JAM3: variants seen among roughly 807,000 people sequenced by gnomAD.
JAM3 encodes junctional adhesion molecule C.
JAM3 carries 31 observed loss-of-function variants against 39.4 expected under a neutral mutation model. That is an observed-to-expected ratio of 0.79 (90% confidence interval 0.59 to 1.06). JAM3 has a LOEUF of 1.06. Among genes scored for constraint, JAM3 ranks in the 50% least tolerant of loss-of-function variants. JAM3 has a pLI of 0.00. For synonymous variants in JAM3, 182 were observed against 148.7 expected (o/e 1.22, Z -1.63); for missense variants, 455 against 391.4 (o/e 1.16, Z -1.37).
chr11:134,080,692 G>C (rs1941651883), intron 1 of JAM3, among the ~76,000 whole-genome samples: 1 of 152,162 alleles, frequency 6.6e-6, no homozygotes, highest in Non-Finnish European at 1.5e-5. Context: ...CCAGTCTCGG[G>C]TATGTCTTTA....
chr11:134,084,516 T>C (rs1941716356), intron 1 of JAM3, among the ~76,000 whole-genome samples: 1 of 149,160 alleles, frequency 6.7e-6, no homozygotes, highest in Non-Finnish European at 1.5e-5. Context: ...ACAGTCAAAT[T>C]AATTAATTCA....
At chr11:134,135,100 C>T (rs939262894) in intron 1 of JAM3, among the ~76,000 whole-genome samples, 7 of 152,010 alleles carry the variant, frequency 4.6e-5, no homozygotes, top group South Asian at 2.1e-4. Context: ...TTTCTCTATG[C>T]GTTCTTCCAA....
chr11:134,148,564 G>GGAATTATT lies in JAM3; in HGVS notation c.732_739dup (p.Gly247GlufsTer15). 6.2e-7 allele frequency: 1 copy of GGAATTATT among 1,614,132 alleles called. No individual in the cohort carries two copies. Among genetic ancestry groups the GGAATTATT allele is most frequent in the South Asian group, 1.1e-5 (1 of 91,072 alleles). On this transcript the variant is annotated frameshift_variant, in exon 7 of 9. Coordinates refer to ENST00000299106, the MANE Select transcript of JAM3 (RefSeq NM_032801.5). LOFTEE classifies it high-confidence loss of function. ...TTCTTCAGATGACCTGAACATTGGC[G>GGAATTATT]GAATTATTGGGGGGGTTCTGGTTGT... is the stretch of plus-strand genomic sequence containing the variant.
chr11:134,122,754 C>T (rs912672900), intron 1 of JAM3, among the ~76,000 whole-genome samples: 22 of 152,314 alleles, frequency 1.4e-4, no homozygotes, highest in African/African-American at 2.2e-4. Context: ...TATGTGAATT[C>T]GCTGCTATTT....
intron 1 of JAM3, among the ~76,000 whole-genome samples, chr11:134,129,726 G>T (rs939607951): frequency 3.3e-5 from 5 of 152,218 alleles, no homozygotes; most frequent in Non-Finnish European, 7.3e-5. Flanking sequence ...AAGAGGCCAG[G>T]CGTGATGGCT....
rs1942584314 is a variant in JAM3 at position 134,123,781 on chromosome 11, C to G, written c.77-16070C>G. 9.9e-6 allele frequency: 7 copies of G among 708,020 alleles called. 1 individual carries two copies. In the South Asian group the frequency reaches 1.1e-4, roughly 11 times the overall value. 43.9% of individuals were successfully genotyped at this position (708,020 alleles called of 1,614,324 possible). On this transcript the variant is annotated intron_variant, in intron 1 of 8. Transcript: ENST00000299106. ...CACATTTCCAGGTACCAAGGGTTCC[C>G]TCTAAATGCCACAATCAAGTGAGCC...
intron 1 of JAM3, among the ~76,000 whole-genome samples, chr11:134,071,588 A>G (rs1459751378): frequency 6.6e-6 from 1 of 152,240 alleles, no homozygotes; most frequent in African/African-American, 2.4e-5. Context: ...GATATTCTAG[A>G]GAGAAGTGCC....
intron 1 of JAM3, among the ~76,000 whole-genome samples, chr11:134,129,828 C>A (rs771787042): frequency 1.8e-4 from 28 of 152,102 alleles, no homozygotes; most frequent in Non-Finnish European, 3.1e-4. Flanking sequence ...ACGGTGAAAC[C>A]CCATCTCTAC....
At chr11:134,141,682 T>G (rs1204460222) in intron 3 of JAM3, among the ~76,000 whole-genome samples, 2 of 151,652 alleles carry the variant, frequency 1.3e-5, no homozygotes. Flanking sequence ...GGGAGAGGGC[T>G]GGTGGGGGGC....
At chr11:134,126,951 G>A (rs901572153) in intron 1 of JAM3, among the ~76,000 whole-genome samples, 1 of 152,182 alleles carries the variant, frequency 6.6e-6, no homozygotes, top group African/African-American at 2.4e-5. Flanking sequence ...TTGCCTTTGG[G>A]CCATCTTAGT....
intron 1 of JAM3, among the ~76,000 whole-genome samples, chr11:134,125,023 C>G (rs1157910274): frequency 1.3e-5 from 2 of 152,230 alleles, no homozygotes; most frequent in African/African-American, 4.8e-5. Context: ...GACACCCGCC[C>G]GGTGGCGGCG....
At chr11:134,126,008 C>G (rs532770868) in intron 1 of JAM3, among the ~76,000 whole-genome samples, 2 of 152,268 alleles carry the variant, frequency 1.3e-5, no homozygotes, top group Admixed American at 1.3e-4. Flanking sequence ...GTCTCACTTT[C>G]CTCTGTCCTT....
intron 1 of JAM3, among the ~76,000 whole-genome samples, chr11:134,102,476 C>T (rs1186431184): frequency 4.6e-5 from 7 of 152,152 alleles, no homozygotes; most frequent in East Asian, 3.9e-4. Flanking sequence ...TCCAAAGGAC[C>T]GCAGCTCCTC....
chr11:134,090,454 G>A (rs948030076), intron 1 of JAM3, among the ~76,000 whole-genome samples: 2 of 151,922 alleles, frequency 1.3e-5, no homozygotes, highest in African/African-American at 2.4e-5. Context: ...TTCACATTTC[G>A]CTTGGGAACA....
In JAM3 at chr11:134,150,603, G is replaced by A. The variant is rs570563185; in HGVS notation, c.*1422G>A. 2 of 152,046 alleles carry A rather than the reference G, an allele frequency of 1.3e-5. No individual in the cohort carries two copies. Among genetic ancestry groups the A allele is most frequent in the South Asian group, 4.2e-4 (2 of 4,814 alleles). The allele number at this position is 152,046 out of a possible 1,614,324, so 9.4% of individuals were successfully genotyped here. ...GGGCTCCTGTAACAGACCTCTTTTTGGTTATGGATGGCTCACAAAATAGGG... is the reference window on the plus strand; with the variant it reads ...GGGCTCCTGTAACAGACCTCTTTTTAGTTATGGATGGCTCACAAAATAGGG... On this transcript the variant is annotated 3_prime_UTR_variant, in exon 9 of 9. Coordinates refer to ENST00000299106, the MANE Select transcript of JAM3 (RefSeq NM_032801.5).
At chr11:134,093,474 T>C (rs1941913414) in intron 1 of JAM3, among the ~76,000 whole-genome samples, 1 of 133,848 alleles carries the variant, frequency 7.5e-6, no homozygotes, top group South Asian at 2.6e-4. Flanking sequence ...CCTTACATCT[T>C]ATTCATCATG....
At chr11:134,106,633 A>G (rs1212905847) in intron 1 of JAM3, among the ~76,000 whole-genome samples, 1 of 152,228 alleles carries the variant, frequency 6.6e-6, no homozygotes, top group Non-Finnish European at 1.5e-5. Context: ...AAAGAACTCA[A>G]ATTTACAAGA....
intron 1 of JAM3, among the ~76,000 whole-genome samples, chr11:134,119,956 A>G (rs1369254993): frequency 6.6e-6 from 1 of 152,176 alleles, no homozygotes; most frequent in Admixed American, 6.5e-5. Flanking sequence ...GTCAGAACCC[A>G]TATTTGATCG....
intron 6 of JAM3, among the ~76,000 whole-genome samples, chr11:134,146,683 TCA>T (rs1221391429): frequency 2.6e-5 from 4 of 152,082 alleles, no homozygotes; most frequent in African/African-American, 7.2e-5. Context: ...TTCTCCCACC[TCA>T]GTCTCCTGAG....
Sources: gnomAD v4.1 joint callset for allele counts (sites outside exome capture counted in the v4.1 genomes callset) on GRCh38, gnomAD v4.1.1 for gene constraint, MANE v1.5 for transcripts, NCBI Gene and HGNC (gene_info 2026-07-23, HGNC 2026-07-21) for gene names.